CLIP2: variants seen among roughly 807,000 people sequenced by gnomAD.
The protein encoded by CLIP2 is CAP-Gly domain containing linker protein 2, also known as CAP-Gly domain-containing linker protein 2.
CLIP2 carries 41 observed loss-of-function variants against 111.7 expected under a neutral mutation model. The ratio of observed to expected loss-of-function variants is 0.37; its 90% CI spans 0.29 to 0.48. The LOEUF is 0.48. CLIP2 is among the 20% of genes least tolerant of loss of function. The pLI, the probability that CLIP2 is intolerant of heterozygous loss-of-function variation, is 0.99. For missense variants in CLIP2, 1,160 were observed against 1,422.1 expected, an observed-to-expected ratio of 0.82 and a Z score of 2.96; for synonymous variants, 660 against 644.2, an observed-to-expected ratio of 1.02 and a Z score of -0.37.
intron 3 of CLIP2, among the ~76,000 whole-genome samples, chr7:74,339,605 C>T (rs529607173): frequency 6.6e-6 from 1 of 152,280 alleles, no homozygotes; most frequent in East Asian, 1.9e-4. Context: ...AGCGCCCTAC[C>T]AAAATGGGAA....
chr7:74,394,716 G>A (rs1382284182), intron 13 of CLIP2, among the ~76,000 whole-genome samples: 4 of 152,232 alleles, frequency 2.6e-5, no homozygotes, highest in African/African-American at 7.2e-5. Flanking sequence ...CTGCCCAGGA[G>A]GGAAACAGAT....
intron 10 of CLIP2, chr7:74,379,910 G>A (rs537350469): frequency 6.6e-6 from 1 of 152,312 alleles, no homozygotes; most frequent in South Asian, 2.1e-4. Flanking sequence ...TTGAGCCATT[G>A]CACTCTAGCC....
chr7:74,357,541 C>A, intron 6 of CLIP2, 64 bp downstream of exon 6: 4 of 1,474,302 alleles, frequency 2.7e-6, no homozygotes, highest in Non-Finnish European at 3.7e-6. Flanking sequence ...CTCACCCACT[C>A]AGAGCGGAGA....
At chr7:74,349,033 T>A (rs1469603408) in intron 3 of CLIP2, among the ~76,000 whole-genome samples, 1 of 152,002 alleles carries the variant, frequency 6.6e-6, no homozygotes, top group Non-Finnish European at 1.5e-5. Context: ...AGCAACATTA[T>A]TCATAATAGC....
At chr7:74,385,281 C>T (rs376396441) in intron 11 of CLIP2, among the ~76,000 whole-genome samples, 70 of 151,006 alleles carry the variant, frequency 4.6e-4, no homozygotes, top group African/African-American at 1.4e-3. Context: ...GGTGACAGAG[C>T]GAGACTCTGT....
At chr7:74,305,789 C>T (rs782713485) in intron 1 of CLIP2, among the ~76,000 whole-genome samples, 36 of 151,824 alleles carry the variant, frequency 2.4e-4, no homozygotes, top group South Asian at 1.3e-3. Context: ...TCACCGCACC[C>T]GGTCACATTT....
chr7:74,323,299 C>T (rs1346399044), intron 2 of CLIP2, among the ~76,000 whole-genome samples: 4 of 151,658 alleles, frequency 2.6e-5, no homozygotes, highest in Admixed American at 6.6e-5. Flanking sequence ...TTTGTAGAAA[C>T]GGAGTCTTGC....
At chr7:74,351,860 A>C (rs567750772) in intron 3 of CLIP2, among the ~76,000 whole-genome samples, 171 of 152,214 alleles carry the variant, frequency 1.1e-3, no homozygotes, top group Middle Eastern at 0.01. Context: ...AAATAAAATA[A>C]AATACAATAA....
chr7:74,389,737 A>G (rs1446318716), intron 13 of CLIP2, among the ~76,000 whole-genome samples: 3 of 151,882 alleles, frequency 2.0e-5, no homozygotes, highest in Middle Eastern at 3.4e-3. Flanking sequence ...TGTTTCTACT[A>G]AAAATACAGA....
At chr7:74,380,081 G>A (rs1554313662) in intron 10 of CLIP2, 1 of 152,202 alleles carries the variant, frequency 6.6e-6, no homozygotes, top group African/African-American at 2.4e-5. Flanking sequence ...GAAGTATGAG[G>A]GGCAGGATGA....
At chr7:74,319,164 C>T (rs1554729621) in intron 2 of CLIP2, among the ~76,000 whole-genome samples, 2 of 151,938 alleles carry the variant, frequency 1.3e-5, no homozygotes, top group Admixed American at 6.6e-5. Flanking sequence ...AGGTGTTCCA[C>T]GTGGAGGGAA....
rs1473977102 is a variant in CLIP2 at position 74,386,430 on chromosome 7, T to C, written c.2480-91T>C. The C allele has an allele frequency of 8.8e-6, 9 of 1,027,928 alleles. 1 individual carries two copies. The Middle Eastern group carries it at 6.1e-4, about 70-fold the overall frequency. The allele number at this position is 1,027,928 out of a possible 1,614,324, so 63.7% of individuals were successfully genotyped here. ...ACCCTGGAGGCCAAGTGTGACCCCG[T>C]CACAGAGCTCCTGTGGGAGGGCCAT... is the stretch of plus-strand genomic sequence containing the variant. On this transcript the variant is annotated intron_variant, in intron 11 of 16. Transcript: ENST00000223398.
chr7:74,356,905 C>A (rs1275378549), intron 5 of CLIP2, among the ~76,000 whole-genome samples: 1 of 152,022 alleles, frequency 6.6e-6, no homozygotes, highest in Non-Finnish European at 1.5e-5. Context: ...GGCATCAAAC[C>A]CTGGATGAAG....
intron 11 of CLIP2, 101 bp from the exon 12 acceptor site, chr7:74,386,420 T>C: frequency 1.1e-6 from 1 of 897,920 alleles, no homozygotes; most frequent in East Asian, 2.9e-5. Context: ...GGAGGCCAAG[T>C]GTGACCCCGT....
intron 1 of CLIP2, among the ~76,000 whole-genome samples, chr7:74,293,469 T>C (rs1564021148): frequency 6.6e-6 from 1 of 151,822 alleles, no homozygotes; most frequent in Non-Finnish European, 1.5e-5. Flanking sequence ...CCAGTGGGGG[T>C]CTCCTTCATC....
intron 12 of CLIP2, among the ~76,000 whole-genome samples, chr7:74,387,289 C>T (rs1251301810): frequency 4.6e-5 from 7 of 152,110 alleles, no homozygotes; most frequent in Admixed American, 4.6e-4. Context: ...CACTCTGTCA[C>T]CTAGGCTGGA....
chr7:74,401,749 G>T, intron 16 of CLIP2, 182 bp downstream of exon 16: 1 of 727,314 alleles, frequency 1.4e-6, no homozygotes, highest in Admixed American at 2.0e-5. Context: ...TGCTCTTTTT[G>T]ATTTGTGTTT....
At position 74,400,428 on chromosome 7, in the gene CLIP2, C is replaced by T. The variant is rs138245554; in HGVS notation, c.2939C>T (p.Ala980Val). Residue 980 changes from alanine to valine, a missense_variant, in exon 15 of 17, where the codon GCG becomes GTG. Transcript: ENST00000223398. Reference sequence around the variant, plus strand: ...TACTCCCTCATCGACCGGTCCTCGGCGCCCGAGCTTCTGCGGCTGCAGCAC... The same window carrying T: ...TACTCCCTCATCGACCGGTCCTCGGTGCCCGAGCTTCTGCGGCTGCAGCAC... ...RRYSLIDRSS[A>V]PELLRLQHQL... is the part of the protein sequence containing the mutation. The T allele has an allele frequency of 8.1e-6, 13 of 1,613,894 alleles. No individual in the cohort carries two copies. Among genetic ancestry groups the T allele is most frequent in the African/African-American group, 8.0e-5 (6 of 74,954 alleles).
At chr7:74,403,722 C>G (rs546179541) in intron 16 of CLIP2, 115 bp from the exon 17 acceptor site, 2 of 1,056,888 alleles carry the variant, frequency 1.9e-6, no homozygotes, top group Non-Finnish European at 2.9e-6. Context: ...ATGCAGTTCG[C>G]TCTATGCTCC....
Sources: allele counts gnomAD v4.1 joint callset (sites outside exome capture counted in the v4.1 genomes callset), GRCh38; gene constraint gnomAD v4.1.1; transcripts MANE v1.5; gene names NCBI Gene and HGNC (gene_info 2026-07-23, HGNC 2026-07-21).